Variants in MGAT4C observed in about 807,000 individuals in gnomAD.
MGAT4C encodes alpha-1,3-mannosyl-glycoprotein 4-beta-N-acetylglucosaminyltransferase C.
MGAT4C carries 19 observed loss-of-function variants against 40.1 expected under a neutral mutation model. The observed-to-expected ratio is 0.47, with a 90% CI of 0.33 to 0.70. The LOEUF is 0.70. Ranked by LOEUF, MGAT4C falls within the 30% of genes least tolerant of loss-of-function variation. The probability of loss-of-function intolerance (pLI) is 0.02; values close to 1 mark genes in which losing one functional copy is unlikely to be tolerated. For synonymous variants in MGAT4C, 181 were observed against 187.1 expected (o/e 0.97, Z 0.27); for missense variants, 491 against 563.2 (o/e 0.87, Z 1.30).
intron 4 of MGAT4C, among the ~76,000 whole-genome samples, chr12:86,292,205 G>A (rs1953535709): frequency 6.6e-6 from 1 of 152,002 alleles, no homozygotes; most frequent in Admixed American, 6.6e-5. Flanking sequence ...ACAGCAATTA[G>A]TGTTAATAAC....
At chr12:86,232,505 C>G (rs1302296612) in intron 1 of MGAT4C, among the ~76,000 whole-genome samples, 2 of 152,188 alleles carry the variant, frequency 1.3e-5, no homozygotes. Context: ...CATTCACTCT[C>G]TGTCCTTAGA....
At chr12:86,454,218 A>G (rs1479488198) in intron 2 of MGAT4C, among the ~76,000 whole-genome samples, 2 of 152,072 alleles carry the variant, frequency 1.3e-5, no homozygotes, top group Non-Finnish European at 2.9e-5. Context: ...GTCATAATTT[A>G]TATGCAATTA....
chr12:86,068,599 A>T (rs950686356), intron 1 of MGAT4C: 7 of 148,978 alleles, frequency 4.7e-5, no homozygotes, highest in Non-Finnish European at 1.0e-4. Context: ...GCATATTTAT[A>T]TTATATATAT....
intron 2 of MGAT4C, among the ~76,000 whole-genome samples, chr12:86,016,748 A>G (rs1305083554): frequency 6.6e-6 from 1 of 152,050 alleles, no homozygotes; most frequent in Admixed American, 6.6e-5. Context: ...TCAAAGGCCT[A>G]TGTGTAAATT....
At chr12:86,048,147 G>A (rs6539939) in intron 2 of MGAT4C, among the ~76,000 whole-genome samples, 118,206 of 152,074 alleles carry the variant, frequency 0.78, 46,302 homozygotes, top group East Asian at 0.97. Context: ...GAACAAAATC[G>A]CGTCCTTTGC....
At chr12:86,655,931 G>A (rs1963837664) in intron 2 of MGAT4C, among the ~76,000 whole-genome samples, 1 of 152,052 alleles carries the variant, frequency 6.6e-6, no homozygotes, top group East Asian at 1.9e-4. Flanking sequence ...CTCACGAGTT[G>A]TGTGAGTTGG....
chr12:86,186,261 A>G (rs181988604), intron 1 of MGAT4C, among the ~76,000 whole-genome samples: 1 of 152,234 alleles, frequency 6.6e-6, no homozygotes, highest in Admixed American at 6.5e-5. Context: ...AAATGCAGGT[A>G]TTATAAACAA....
At chr12:86,530,573 T>G (rs543582449) in intron 2 of MGAT4C, among the ~76,000 whole-genome samples, 1 of 152,198 alleles carries the variant, frequency 6.6e-6, no homozygotes, top group South Asian at 2.1e-4. Context: ...GTTGTACTCT[T>G]TAATTTTCTA....
Position 86,050,994 on chromosome 12 carries a change from T to C in MGAT4C, c.-56-1271A>G, listed in dbSNP as rs1426134046. Among the ~76,000 whole-genome samples, 4 of 151,968 alleles carry C rather than the reference T, an allele frequency of 2.6e-5. No individual in the cohort carries two copies. In the East Asian group the frequency reaches 7.7e-4, roughly 29 times the overall value. On this transcript the variant is annotated intron_variant, in intron 1 of 4. Transcript: ENST00000611864. ...GACCCAACTATAGATCCCAAGAAAT[T>C]TGTTATTCAGAAGGCTGTAGCAACA...
intron 2 of MGAT4C, among the ~76,000 whole-genome samples, chr12:86,540,625 A>G (rs1247261167): frequency 6.6e-6 from 1 of 152,108 alleles, no homozygotes; most frequent in East Asian, 1.9e-4. Flanking sequence ...AGTCCCAGCT[A>G]CTCAGGAGGC....
At chr12:86,796,535 T>C (rs1395590905) in intron 1 of MGAT4C, among the ~76,000 whole-genome samples, 1 of 151,928 alleles carries the variant, frequency 6.6e-6, no homozygotes, top group African/African-American at 2.4e-5. Flanking sequence ...ACTGATGACT[T>C]CCAGGGGCTG....
At chr12:86,135,537 T>G (rs995476950) in intron 1 of MGAT4C, among the ~76,000 whole-genome samples, 1 of 151,950 alleles carries the variant, frequency 6.6e-6, no homozygotes, top group African/African-American at 2.4e-5. Context: ...CTTAAAAAAG[T>G]AAGGGGGGGC....
chr12:86,082,692 T>G (rs1871063076), intron 1 of MGAT4C, among the ~76,000 whole-genome samples: 1 of 152,130 alleles, frequency 6.6e-6, no homozygotes, highest in African/African-American at 2.4e-5. Flanking sequence ...TATTTACAAC[T>G]TTTCTCTCCA....
chr12:86,553,010 T>C (rs1159922991), intron 2 of MGAT4C, among the ~76,000 whole-genome samples: 1 of 152,108 alleles, frequency 6.6e-6, no homozygotes, highest in Non-Finnish European at 1.5e-5. Flanking sequence ...TATTTTTTCT[T>C]AGTGATGAAG....
intron 1 of MGAT4C, among the ~76,000 whole-genome samples, chr12:86,157,776 C>T (rs1051385426): frequency 6.6e-6 from 1 of 152,050 alleles, no homozygotes; most frequent in Non-Finnish European, 1.5e-5. Context: ...TTTAAACAAC[C>T]AGATATCCTG....
At chr12:86,069,715 C>G (rs1894889230) in intron 1 of MGAT4C, among the ~76,000 whole-genome samples, 1 of 152,074 alleles carries the variant, frequency 6.6e-6, no homozygotes, top group South Asian at 2.1e-4. Flanking sequence ...ATAACAATGG[C>G]TCACTAAAGT....
intron 1 of MGAT4C, among the ~76,000 whole-genome samples, chr12:86,792,792 G>C (rs1444970591): frequency 6.6e-6 from 1 of 152,096 alleles, no homozygotes; most frequent in African/African-American, 2.4e-5. Flanking sequence ...TTAGCCAGGT[G>C]TGGTGGCGGA....
chr12:86,376,517 T>C (rs748529411), intron 3 of MGAT4C, among the ~76,000 whole-genome samples: 2 of 152,102 alleles, frequency 1.3e-5, no homozygotes, highest in Admixed American at 6.6e-5. Flanking sequence ...CCTAGAACAA[T>C]ATATTAGAAT....
chr12:86,289,644 G>C (rs534128632), intron 4 of MGAT4C, among the ~76,000 whole-genome samples: 8 of 152,024 alleles, frequency 5.3e-5, no homozygotes. Context: ...TGTATTCCTA[G>C]GTATTTTATT....
Sources: allele counts gnomAD v4.1 joint callset (sites outside exome capture counted in the v4.1 genomes callset), GRCh38; gene constraint gnomAD v4.1.1; transcripts MANE v1.5; gene names NCBI Gene and HGNC (gene_info 2026-07-23, HGNC 2026-07-21).